SAP130: variants seen among roughly 807,000 people sequenced by gnomAD.
SAP130 encodes histone deacetylase complex subunit SAP130.
Under a neutral mutation model 103.2 loss-of-function variants are expected in SAP130, and 16 were observed. The observed-to-expected ratio is 0.16, with a 90% CI of 0.10 to 0.24. The LOEUF is 0.24. SAP130 is among the 10% of genes least tolerant of loss of function. The pLI is 1.00. For missense variants in SAP130, 990 were observed against 1,359.7 expected (o/e 0.73, Z 4.28); for synonymous variants, 477 against 497.0 (o/e 0.96, Z 0.53).
chr2:127,992,147 T>C (rs998531389), intron 12 of SAP130, among the ~76,000 whole-genome samples: 2 of 152,096 alleles, frequency 1.3e-5, no homozygotes, highest in African/African-American at 4.8e-5. Context: ...AATTTTTTAA[T>C]TTTTTGTAGA....
At chr2:128,005,404 G>A (rs1319770142) in intron 7 of SAP130, among the ~76,000 whole-genome samples, 1 of 152,014 alleles carries the variant, frequency 6.6e-6, no homozygotes, top group African/African-American at 2.4e-5. Context: ...ATCACCTGAG[G>A]TCAGGAGTTC....
At chr2:127,950,835 A>G (rs935254105) in intron 16 of SAP130, among the ~76,000 whole-genome samples, 2 of 152,228 alleles carry the variant, frequency 1.3e-5, no homozygotes, top group East Asian at 3.8e-4. Flanking sequence ...GCTGTCCTGA[A>G]TTAAGAGCAT....
rs550637526 is a variant in SAP130 at position 127,991,367 on chromosome 2, C to T, written c.1478-1501G>A. ...AACATTTTTTTTGGGACAAGGGTCT[C>T]GCTTTCTTGACTAGACTTGAGTGCG... On this transcript the variant is annotated intron_variant, in intron 12 of 20. Coordinates refer to ENST00000643581, the MANE Select transcript of SAP130 (RefSeq NM_001330301.2). Among the ~76,000 whole-genome samples, 5 of 152,172 alleles carry T rather than the reference C, an allele frequency of 3.3e-5. No homozygotes were observed. The East Asian group carries it at 7.7e-4, about 23-fold the overall frequency.
Position 127,946,073 on chromosome 2 carries a change from A to G in SAP130, c.2798-514T>C, listed in dbSNP as rs370469105. Among the ~76,000 whole-genome samples the G allele has an allele frequency of 3.4e-4, 51 of 152,192 alleles. 1 individual carries two copies. The South Asian group carries it at 6.4e-3, about 19-fold the overall frequency. ...TGCTACCTCCTAAAGCAGGGCTGTC[A>G]CTCAGAGAGAAGCTTGCCACGTGTC... On this transcript the variant is annotated intron_variant, in intron 18 of 20. Transcript: ENST00000643581.
Position 127,983,059 on chromosome 2 carries a change from G to C in SAP130, c.1958+3726C>G, listed in dbSNP as rs944698074. ...AAGCACCTGAGGGGCCAGGGAGCTG[G>C]AAAATCATTTCTGATCATTAAAGGT... On this transcript the variant is annotated intron_variant, in intron 14 of 20. Coordinates refer to ENST00000643581, the MANE Select transcript of SAP130 (RefSeq NM_001330301.2). 4.6e-5 allele frequency among the ~76,000 whole-genome samples: 7 copies of C among 152,242 alleles called. No homozygotes were observed. The South Asian group carries it at 1.5e-3, about 32-fold the overall frequency.
At chr2:127,987,007 C>A in intron 13 of SAP130, 45 bp from the exon 14 acceptor site, 1 of 1,519,188 alleles carries the variant, frequency 6.6e-7, no homozygotes, top group Non-Finnish European at 9.1e-7. Flanking sequence ...GAGAGGGAAA[C>A]AAAATGCCAT....
chr2:127,952,658 C>T (rs1679575463), intron 16 of SAP130, among the ~76,000 whole-genome samples: 1 of 152,092 alleles, frequency 6.6e-6, no homozygotes, highest in Non-Finnish European at 1.5e-5. Flanking sequence ...TTCTGTTTGC[C>T]AAATCCAAAG....
chr2:127,976,491 A>AT (rs988558666), intron 15 of SAP130, among the ~76,000 whole-genome samples: 4 of 152,000 alleles, frequency 2.6e-5, no homozygotes, highest in African/African-American at 7.2e-5. Context: ...GGCATTCACA[A>AT]TTTTTTTTTC....
Position 127,996,363 on chromosome 2 carries a change from G to C in SAP130, c.1342C>G (p.Arg448Gly). 1.9e-6 allele frequency: 3 copies of C among 1,602,536 alleles called. No homozygotes were observed. The highest frequency in any genetic ancestry group is 2.6e-6 in the Non-Finnish European group (3 of 1,174,504). Residue 448 changes from arginine (R) to glycine (G), a missense_variant, in exon 11 of 21, where the codon CGA (arginine) becomes GGA (glycine). Coordinates refer to ENST00000643581, the MANE Select transcript of SAP130 (RefSeq NM_001330301.2). The surrounding 1 kb of genome is among the most constrained non-coding windows in gnomAD (Gnocchi z 4.3). ...ACAGCCTCCTACCTGTTGTCACTTC[G>C]GGTTTCCATGGCCACAGGATTGGGA... ...ASPNPVAMETRSDNRPSVPVQ... is the reference protein window; with the variant it reads ...ASPNPVAMETGSDNRPSVPVQ...
intron 7 of SAP130, among the ~76,000 whole-genome samples, chr2:128,008,701 G>T (rs200736954): frequency 6.7e-6 from 1 of 148,508 alleles, no homozygotes; most frequent in Non-Finnish European, 1.5e-5. Flanking sequence ...TTTTTTTTTG[G>T]TGGAGATGGG....
chr2:128,014,283 G>A (rs1040057214), intron 5 of SAP130, among the ~76,000 whole-genome samples: 5 of 151,546 alleles, frequency 3.3e-5, no homozygotes, highest in Non-Finnish European at 7.4e-5. Context: ...GGAGTGCAGC[G>A]GCGCAATCTC....
At position 127,942,598 on chromosome 2, in the gene SAP130, G is replaced by T; in HGVS notation, c.2902-61C>A. Reference sequence around the variant, plus strand: ...GAAATATTTTTCTATGTCAACCCCAGGCAAATGAACCCACCTTCAATCACC... The same window carrying T: ...GAAATATTTTTCTATGTCAACCCCATGCAAATGAACCCACCTTCAATCACC... On this transcript the variant is annotated intron_variant, in intron 19 of 20. Coordinates refer to ENST00000643581, the MANE Select transcript of SAP130 (RefSeq NM_001330301.2). The surrounding 1 kb of genome is among the most constrained non-coding windows in gnomAD (Gnocchi z 4.8). 2 of 1,013,822 alleles carry T rather than the reference G, an allele frequency of 2.0e-6. No homozygotes were observed. Among genetic ancestry groups the T allele is most frequent in the Non-Finnish European group, 3.1e-6 (2 of 641,448 alleles). 62.8% of individuals were successfully genotyped at this position (1,013,822 alleles called of 1,614,324 possible).
At chr2:127,985,492 T>C (rs917038114) in intron 14 of SAP130, among the ~76,000 whole-genome samples, 1 of 152,300 alleles carries the variant, frequency 6.6e-6, no homozygotes, top group Admixed American at 6.5e-5. Context: ...ACCTCCAGAA[T>C]GTTTAACTCA....
At chr2:127,988,372 C>G (rs1200965601) in intron 13 of SAP130, among the ~76,000 whole-genome samples, 1 of 147,368 alleles carries the variant, frequency 6.8e-6, no homozygotes, top group Admixed American at 6.9e-5. Context: ...TACAGTGAGC[C>G]ATGATTGTAC....
intron 14 of SAP130, among the ~76,000 whole-genome samples, chr2:127,982,749 C>T (rs950402227): frequency 5.3e-5 from 8 of 152,064 alleles, no homozygotes; most frequent in Non-Finnish European, 1.2e-4. Flanking sequence ...TTTGACAAAG[C>T]GAAGTGGGAT....
intron 19 of SAP130, among the ~76,000 whole-genome samples, chr2:127,943,677 T>G (rs968358679): frequency 6.6e-6 from 1 of 152,158 alleles, no homozygotes; most frequent in Non-Finnish European, 1.5e-5. Context: ...AGATTAAAAA[T>G]GGTAAAGAGC....
intron 14 of SAP130, among the ~76,000 whole-genome samples, chr2:127,979,989 C>T (rs374497129): frequency 5.3e-5 from 8 of 151,656 alleles, no homozygotes; most frequent in Admixed American, 1.3e-4. Context: ...GTGATTCTCC[C>T]GCCTCAGCCT....
Position 127,993,265 on chromosome 2 carries a change from G to A in SAP130, c.1399C>T (p.Pro467Ser), listed in dbSNP as rs759356189. Reference sequence around the variant, plus strand: ...GCCGCCAGTGGGTATGCAGAAGGGGGGTAAGTTGGCAAAAAATATTGGAAC... The same window carrying A: ...GCCGCCAGTGGGTATGCAGAAGGGGAGTAAGTTGGCAAAAAATATTGGAAC... The part of the protein sequence containing the change: ...VQFQYFLPTY[P>S]PSAYPLAAHT... The change falls in exon 12 of 21, where the codon CCC (proline) becomes TCC (serine). Residue 467 changes from proline (P) to serine (S), a missense_variant. Coordinates refer to ENST00000643581, the MANE Select transcript of SAP130 (RefSeq NM_001330301.2). The A allele has an allele frequency of 6.2e-7, 1 of 1,613,540 alleles. No homozygotes were observed. The highest frequency in any genetic ancestry group is 2.2e-5 in the East Asian group (1 of 44,842).
In SAP130 at chr2:127,986,879, C is replaced by A; in HGVS notation, c.1864G>T (p.Val622Leu). ...CTAGCACTCTGGCTGTGGGTCTGCA[C>A]CACGGTTGTTGCTGCTGGAGCAGCA... is the stretch of plus-strand genomic sequence containing the variant. ...FSAAPAATTVVQTHSQSASTN... is the reference protein window; with the variant it reads ...FSAAPAATTVLQTHSQSASTN... The change falls in exon 14 of 21, where the codon GTG becomes TTG. Residue 622 changes from valine to leucine, a missense_variant. Around this residue, in one of 6 missense-constraint regions of SAP130, gnomAD observed 349 missense variants for 384.1 expected, o/e 0.91. Transcript: ENST00000643581. This position sits in a 1 kb window ranked among gnomAD's most constrained non-coding sequence, Gnocchi z 4.7. 1 of 1,614,238 alleles carries A rather than the reference C, an allele frequency of 6.2e-7. No individual in the cohort carries two copies. The highest frequency in any genetic ancestry group is 2.2e-5 in the East Asian group (1 of 44,888).
Sources: allele counts gnomAD v4.1 joint callset (sites outside exome capture counted in the v4.1 genomes callset), GRCh38; gene constraint gnomAD v4.1.1; regional missense constraint gnomAD v4.1.1; non-coding constraint Gnocchi (gnomAD v3.1); transcripts MANE v1.5; gene names NCBI Gene and HGNC (gene_info 2026-07-23, HGNC 2026-07-21).